The following SIGLEC15 variants were observed in gnomAD, a reference collection of about 807,000 sequenced individuals.
The protein encoded by SIGLEC15 is sialic acid binding Ig like lectin 15.
SIGLEC15 carries 31 observed loss-of-function variants against 26.2 expected under a neutral mutation model. The observed-to-expected ratio is 1.18, with a 90% confidence interval of 0.89 to 1.60. The LOEUF is 1.60. SIGLEC15 is among the 40% of genes most tolerant of loss of function. SIGLEC15 has a pLI of 0.00. For synonymous variants in SIGLEC15, 207 were observed against 221.9 expected, an observed-to-expected ratio of 0.93 and a Z score of 0.60; for missense variants, 501 against 488.4, an observed-to-expected ratio of 1.03 and a Z score of -0.24.
chr18:45,828,926 G>A (rs1238094513), intron 1 of SIGLEC15: 5 of 187,418 alleles, frequency 2.7e-5, no homozygotes, highest in Non-Finnish European at 4.0e-5. Context: ...TCACAGCCCA[G>A]GAGGAAATGG....
chr18:45,838,420 T>A (rs2048294632), intron 3 of SIGLEC15: 1 of 490,552 alleles, frequency 2.0e-6, no homozygotes, highest in Non-Finnish European at 3.6e-6. Context: ...TAATGGCCAC[T>A]TAGCATTTGC....
intron 1 of SIGLEC15, among the ~76,000 whole-genome samples, chr18:45,831,830 C>T (rs1017767504): frequency 5.3e-5 from 8 of 151,992 alleles, no homozygotes; most frequent in Admixed American, 2.0e-4. Context: ...CTCCGCCTCC[C>T]GGGTTCAAGC....
intron 1 of SIGLEC15, among the ~76,000 whole-genome samples, chr18:45,828,541 A>T (rs777551563): frequency 1.3e-5 from 2 of 152,194 alleles, no homozygotes; most frequent in Non-Finnish European, 2.9e-5. Context: ...TGATAGGCAG[A>T]TATCACAACC....
chr18:45,842,459 GA>G lies in SIGLEC15; in HGVS notation c.*273del. 23 of 455,620 alleles carry G rather than the reference GA, an allele frequency of 5.0e-5. No individual in the cohort carries two copies. Among genetic ancestry groups the G allele is most frequent in the Non-Finnish European group, 6.8e-5 (17 of 250,116 alleles). The allele number at this position is 455,620 out of a possible 1,614,324, so 28.2% of individuals were successfully genotyped here. ...TGTGTGTGTGAGAGAGAGAGAGAGA[GA>G]GTACACGCATTAGCTTGAGCGTGAA... On this transcript the variant is annotated 3_prime_UTR_variant, in exon 6 of 6. Coordinates refer to ENST00000389474, the MANE Select transcript of SIGLEC15 (RefSeq NM_213602.3).
At chr18:45,839,162 C>A in intron 4 of SIGLEC15, 67 bp downstream of exon 4, 3 of 1,338,758 alleles carry the variant, frequency 2.2e-6, no homozygotes, top group Non-Finnish European at 2.8e-6. Flanking sequence ...TTAGATAAGA[C>A]CACCTGGCTG....
intron 3 of SIGLEC15, 70 bp downstream of exon 3, chr18:45,837,966 C>T: frequency 7.1e-7 from 1 of 1,404,616 alleles, no homozygotes; most frequent in South Asian, 1.5e-5. Context: ...CCAAGGGCTA[C>T]GTGGGTGCCA....
intron 4 of SIGLEC15, among the ~76,000 whole-genome samples, chr18:45,839,930 C>A (rs1339550551): frequency 6.6e-6 from 1 of 152,142 alleles, no homozygotes; most frequent in East Asian, 1.9e-4. Flanking sequence ...GCTGTGGCCA[C>A]AATGGCTTTC....
rs519150 is a variant in SIGLEC15 at position 45,843,750 on chromosome 18, G to T, written c.*1563G>T. 0.11 allele frequency: 16,536 copies of T among 152,226 alleles called. 2,212 individuals carry two copies. Among genetic ancestry groups the T allele is most frequent in the African/African-American group, 0.32 (13,266 of 41,422 alleles). 9.4% of individuals were successfully genotyped at this position (152,226 alleles called of 1,614,324 possible). ...AAAAATTAGCTGGGCGTGCTGGCAC[G>T]TGCCTATAGTCCCAGCAACTTGGGA... On this transcript the variant is annotated 3_prime_UTR_variant, in exon 6 of 6. Transcript: ENST00000389474.
At chr18:45,826,776 T>A (rs1274822370) in intron 1 of SIGLEC15, among the ~76,000 whole-genome samples, 1 of 152,226 alleles carries the variant, frequency 6.6e-6, no homozygotes, top group Non-Finnish European at 1.5e-5. Flanking sequence ...CCCTCCCATC[T>A]GGCGTGTACT....
chr18:45,838,025 A>C, intron 3 of SIGLEC15, 129 bp downstream of exon 3: 1 of 1,195,628 alleles, frequency 8.4e-7, no homozygotes, highest in Non-Finnish European at 1.1e-6. Flanking sequence ...CCTCTCCTCT[A>C]CCCCAGGGAT....
At chr18:45,838,597 C>T in intron 3 of SIGLEC15, 121 bp from the exon 4 acceptor site, 1 of 1,316,008 alleles carries the variant, frequency 7.6e-7, no homozygotes, top group Non-Finnish European at 1.0e-6. Flanking sequence ...GGGACGGGGG[C>T]AGCCTGGCAC....
intron 5 of SIGLEC15, 61 bp downstream of exon 5, chr18:45,840,302 G>T: frequency 6.4e-7 from 1 of 1,552,320 alleles, no homozygotes; most frequent in Non-Finnish European, 8.8e-7. Context: ...CATCACCCAG[G>T]GGGTCCAGGC....
intron 3 of SIGLEC15, among the ~76,000 whole-genome samples, 190 bp downstream of exon 3, chr18:45,838,086 G>A (rs533080768): frequency 8.5e-5 from 13 of 152,348 alleles, no homozygotes; most frequent in African/African-American, 3.1e-4. Context: ...CACAAATGCA[G>A]AATCCAGGTC....
In SIGLEC15 at chr18:45,837,056, C is replaced by T. The variant is rs2145062319; in HGVS notation, c.80C>T (p.Thr27Ile). 6.4e-7 allele frequency: 1 copy of T among 1,558,114 alleles called. No homozygotes were observed. Among genetic ancestry groups the T allele is most frequent in the Non-Finnish European group, 8.9e-7 (1 of 1,129,344 alleles). ...TGSFVRTKIDTTENLLNTEVH... is the reference protein window; with the variant it reads ...TGSFVRTKIDITENLLNTEVH... ...TCATTTGTGAGAACTAAAATAGATACTACGGAGAACTTGCTCAACACAGAG... is the reference window on the plus strand; with the variant it reads ...TCATTTGTGAGAACTAAAATAGATATTACGGAGAACTTGCTCAACACAGAG... The change falls in exon 2 of 6, where the codon ACT (threonine) becomes ATT (isoleucine). Residue 27 changes from threonine (T) to isoleucine (I), a missense_variant. Transcript: ENST00000389474.
At chr18:45,838,046 G>A in intron 3 of SIGLEC15, 150 bp downstream of exon 3, 2 of 1,101,570 alleles carry the variant, frequency 1.8e-6, no homozygotes, top group Non-Finnish European at 1.2e-6. Flanking sequence ...CTCACACCTG[G>A]GGGTAGTTTA....
At chr18:45,839,927 C>G (rs1220327662) in intron 4 of SIGLEC15, among the ~76,000 whole-genome samples, 1 of 152,090 alleles carries the variant, frequency 6.6e-6, no homozygotes, top group East Asian at 1.9e-4. Flanking sequence ...GCTGCTGTGG[C>G]CACAATGGCT....
At chr18:45,832,224 G>A (rs1051224589) in intron 1 of SIGLEC15, among the ~76,000 whole-genome samples, 6 of 152,218 alleles carry the variant, frequency 3.9e-5, no homozygotes, top group Admixed American at 6.5e-5. Flanking sequence ...TACTATGTTC[G>A]CCATTTTGCA....
rs374620923 is a variant in SIGLEC15, at chr18:45,838,789, G to A, written c.568G>A (p.Glu190Lys). The change falls in exon 4 of 6, where the codon GAA becomes AAA. Residue 190 changes from glutamate (E) to lysine (K), a missense_variant. Physicochemically the swap from Glu to Lys is moderately conservative, Grantham distance 56. Coordinates refer to ENST00000389474, the MANE Select transcript of SIGLEC15 (RefSeq NM_213602.3). ...AHAFRALCTA[E>K]GEPPPALAWS... is the part of the protein sequence containing the mutation. The stretch of plus-strand genomic sequence containing the variant: ...CGCCTTCCGCGCGCTCTGCACTGCC[G>A]AAGGGGAGCCGCCGCCCGCCCTCGC... 1.3e-5 allele frequency: 20 copies of A among 1,564,156 alleles called. No homozygotes were observed. The highest frequency in any genetic ancestry group is 1.7e-4 in the Middle Eastern group (1 of 6,004).
chr18:45,841,274 CCA>C (rs1164434649), intron 5 of SIGLEC15, among the ~76,000 whole-genome samples: 4 of 151,876 alleles, frequency 2.6e-5, no homozygotes, highest in African/African-American at 9.7e-5. Context: ...CGGTGGAGTT[CCA>C]GAGAGCAAGC....
Sources: allele counts gnomAD v4.1 joint callset (sites outside exome capture counted in the v4.1 genomes callset), GRCh38; gene constraint gnomAD v4.1.1; transcripts MANE v1.5; gene names NCBI Gene and HGNC (gene_info 2026-07-23, HGNC 2026-07-21).